Variants in SHOC1 observed in about 807,000 individuals in gnomAD.
The protein encoded by SHOC1 is protein shortage in chiasmata 1 ortholog.
In SHOC1, 136 loss-of-function variants were observed where a neutral mutation model predicts 179.2. The ratio of observed to expected loss-of-function variants is 0.76; its 90% CI spans 0.66 to 0.87. SHOC1 has a LOEUF of 0.87. SHOC1 is among the 40% of genes least tolerant of loss of function. The pLI is 0.00. For synonymous variants in SHOC1, 489 were observed against 586.6 expected (o/e 0.83, Z 2.41); for missense variants, 1,538 against 1,700.8 (o/e 0.90, Z 1.68).
chr9:111,758,378 C>T (rs1272459605), intron 6 of SHOC1, among the ~76,000 whole-genome samples, 183 bp from the exon 7 acceptor site: 1 of 152,112 alleles, frequency 6.6e-6, no homozygotes, highest in Non-Finnish European at 1.5e-5. Flanking sequence ...GGTGGATCAC[C>T]TGAGGTCAGG....
intron 24 of SHOC1, among the ~76,000 whole-genome samples, chr9:111,695,133 C>T (rs773393557): frequency 9.2e-5 from 14 of 152,046 alleles, no homozygotes; most frequent in African/African-American, 3.1e-4. Context: ...TTTTCTTCTT[C>T]ATCTTTTAAA....
At chr9:111,691,490 A>T in intron 27 of SHOC1, 61 bp downstream of exon 27, 1 of 1,456,674 alleles carries the variant, frequency 6.9e-7, no homozygotes, top group Non-Finnish European at 9.2e-7. Context: ...AAATTTGGAG[A>T]TGATTTTATC....
intron 5 of SHOC1, among the ~76,000 whole-genome samples, chr9:111,766,762 C>T (rs1835376476): frequency 6.6e-6 from 1 of 152,196 alleles, no homozygotes; most frequent in Admixed American, 6.5e-5. Context: ...TAGATGGCTG[C>T]CACCACGCCT....
At chr9:111,754,217 A>G (rs1834747852) in intron 8 of SHOC1, among the ~76,000 whole-genome samples, 3 of 152,196 alleles carry the variant, frequency 2.0e-5, no homozygotes, top group South Asian at 4.1e-4. Flanking sequence ...GAAGGCAGAA[A>G]AGGAGGAATT....
At chr9:111,777,111 G>A (rs376657329) in intron 4 of SHOC1, among the ~76,000 whole-genome samples, 224 of 152,214 alleles carry the variant, frequency 1.5e-3, no homozygotes, top group Non-Finnish European at 2.5e-3. Context: ...GGGTGGGATC[G>A]CAGAACTGGT....
chr9:111,763,966 A>G (rs370016102), intron 5 of SHOC1, among the ~76,000 whole-genome samples: 25 of 152,332 alleles, frequency 1.6e-4, no homozygotes, highest in African/African-American at 5.8e-4. Context: ...GAGTACAGTA[A>G]TCTCCTCTTA....
At chr9:111,788,020 T>C (rs1224187986) in intron 2 of SHOC1, among the ~76,000 whole-genome samples, 1 of 152,020 alleles carries the variant, frequency 6.6e-6, no homozygotes, top group Non-Finnish European at 1.5e-5. Context: ...TTTTAAGACA[T>C]AGTGCTACTG....
rs1831447771 is a variant in SHOC1 at position 111,691,859 on chromosome 9, T to C, written c.4118A>G (p.Asn1373Ser). 7 of 1,613,688 alleles carry C rather than the reference T, an allele frequency of 4.3e-6. No individual in the cohort carries two copies. Among genetic ancestry groups the C allele is most frequent in the Middle Eastern group, 1.6e-4 (1 of 6,082 alleles). The change falls in exon 27 of 28, where the codon AAC becomes AGC. Residue 1373 changes from asparagine (N) to serine (S), a missense_variant. Transcript: ENST00000682961. ...AGTCTGCTGTGCACCATATTGTAAGTTGAACGGGTGATTCTCTTGTTCCCA... is the reference window on the plus strand; with the variant it reads ...AGTCTGCTGTGCACCATATTGTAAGCTGAACGGGTGATTCTCTTGTTCCCA... ...NIWEQENHPF[N>S]LQYGAQQTAC...
At chr9:111,710,537 T>C (rs1336831450) in intron 18 of SHOC1, among the ~76,000 whole-genome samples, 1 of 152,162 alleles carries the variant, frequency 6.6e-6, no homozygotes, top group Non-Finnish European at 1.5e-5. Context: ...TTCTATGTTG[T>C]GGGCATTTTC....
intron 5 of SHOC1, among the ~76,000 whole-genome samples, chr9:111,771,373 A>G (rs1835600141): frequency 6.6e-6 from 1 of 152,168 alleles, no homozygotes; most frequent in Non-Finnish European, 1.5e-5. Flanking sequence ...AGGTTGCTAT[A>G]GCTATTGTTT....
In SHOC1 at chr9:111,756,441, G is replaced by A; in HGVS notation, c.746C>T (p.Pro249Leu). 1 of 1,610,060 alleles carries A rather than the reference G, an allele frequency of 6.2e-7. No homozygotes were observed. Among genetic ancestry groups the A allele is most frequent in the Non-Finnish European group, 8.5e-7 (1 of 1,178,790 alleles). The change falls in exon 8 of 28, where the codon CCT becomes CTT. Residue 249 changes from proline (P) to leucine (L), a missense_variant. Physicochemically the swap from Pro to Leu is moderately conservative, Grantham distance 98 (BLOSUM62 -3). Coordinates refer to ENST00000682961, the MANE Select transcript of SHOC1 (RefSeq NM_001378211.1). ...ATCAATTTCTGGTTTGAGGCTTGGAGGTATTAAGAATTCATACTCAATAAG... is the reference window on the plus strand; with the variant it reads ...ATCAATTTCTGGTTTGAGGCTTGGAAGTATTAAGAATTCATACTCAATAAG... ...SFLIEYEFLI[P>L]PSLKPEIDIP...
At position 111,691,774 on chromosome 9, in the gene SHOC1, T is replaced by TA. The variant is rs771467879; in HGVS notation, c.4202dup (p.Ser1402IlefsTer3). 1.2e-6 allele frequency: 2 copies of TA among 1,614,008 alleles called. No homozygotes were observed. The highest frequency in any genetic ancestry group is 1.7e-5 in the Admixed American group (1 of 60,024). Reference sequence around the variant, plus strand: ...ATGTGAGGCCTTCAGACTCATCTGATAGACATTTTTGCTGATCAGTGAATA... The same window carrying TA: ...ATGTGAGGCCTTCAGACTCATCTGATAAGACATTTTTGCTGATCAGTGAATA... On this transcript the variant is annotated frameshift_variant, in exon 27 of 28. Transcript: ENST00000682961. LOFTEE classifies it high-confidence loss of function.
In SHOC1 at chr9:111,718,179, C is replaced by T; in HGVS notation, c.2236+5G>A. ...AAAAGAGGAAATAAAATATTCCCCA[C>T]CAACCCAATGCTGTGTCCAAGCTGC... is the stretch of plus-strand genomic sequence containing the variant. On this transcript the variant is annotated splice_donor_5th_base_variant and intron_variant, in intron 16 of 27. Coordinates refer to ENST00000682961, the MANE Select transcript of SHOC1 (RefSeq NM_001378211.1). 1 of 1,556,122 alleles carries T rather than the reference C, an allele frequency of 6.4e-7. No individual in the cohort carries two copies. The highest frequency in any genetic ancestry group is 1.2e-5 in the South Asian group (1 of 80,058).
At chr9:111,778,398 C>A (rs1208136057) in intron 4 of SHOC1, among the ~76,000 whole-genome samples, 1 of 152,060 alleles carries the variant, frequency 6.6e-6, no homozygotes, top group African/African-American at 2.4e-5. Flanking sequence ...AAACAAAGTT[C>A]TTTCCTTCAT....
Position 111,707,913 on chromosome 9 carries a change from T to C in SHOC1, c.2500A>G (p.Thr834Ala), listed in dbSNP as rs764092885. 82 of 1,576,142 alleles carry C rather than the reference T, an allele frequency of 5.2e-5. No homozygotes were observed. The highest frequency in any genetic ancestry group is 6.8e-5 in the Non-Finnish European group (79 of 1,163,312). The change falls in exon 19 of 28, where the codon ACT becomes GCT. Residue 834 changes from threonine to alanine, a missense_variant. Transcript: ENST00000682961. ...ILNKIEGLTL[T>A]VLHSNERKDF... is the part of the protein sequence containing the mutation. ...TTTCTTTCATTTGAATGAAGGACAG[T>C]CAGTGTTAAACCTGTTGGAAAAAAG...
chr9:111,760,629 T>A (rs1000964822), intron 5 of SHOC1, among the ~76,000 whole-genome samples: 23 of 151,286 alleles, frequency 1.5e-4, no homozygotes, highest in South Asian at 4.2e-4. Context: ...TGTTTTTTTT[T>A]AATATATAAA....
chr9:111,731,486 G>A (rs12348045), intron 12 of SHOC1, among the ~76,000 whole-genome samples: 8,506 of 152,216 alleles, frequency 0.056, 591 homozygotes, highest in African/African-American at 0.16. Flanking sequence ...AGTGGGCCAA[G>A]GAAAGGGAGA....
At chr9:111,707,817 T>C in intron 19 of SHOC1, 38 bp downstream of exon 19, 1 of 1,341,806 alleles carries the variant, frequency 7.5e-7, no homozygotes, top group African/African-American at 1.5e-5. Context: ...GTGAAACTGG[T>C]ACGTTTGTTC....
chr9:111,747,844 C>G (rs1834364742), intron 9 of SHOC1, among the ~76,000 whole-genome samples: 1 of 152,118 alleles, frequency 6.6e-6, no homozygotes, highest in African/African-American at 2.4e-5. Flanking sequence ...CTCAGCCTCC[C>G]AAAGTGCTGG....
Sources: gnomAD v4.1 joint callset for allele counts (sites outside exome capture counted in the v4.1 genomes callset) on GRCh38, gnomAD v4.1.1 for gene constraint, MANE v1.5 for transcripts, NCBI Gene and HGNC (gene_info 2026-07-23, HGNC 2026-07-21) for gene names.